DYM: variants seen among roughly 807,000 people sequenced by gnomAD.
The protein encoded by DYM is dyggve-Melchior-Clausen syndrome protein.
DYM carries 78 observed loss-of-function variants against 93.1 expected under a neutral mutation model. That is an observed-to-expected ratio of 0.84 (90% CI 0.70 to 1.01). The LOEUF is 1.01. DYM is among the 50% of genes least tolerant of loss of function. DYM has a pLI of 0.00. For missense variants in DYM, 789 were observed against 845.0 expected (o/e 0.93, Z 0.82); for synonymous variants, 321 against 319.7 (o/e 1.00, Z -0.04).
chr18:49,306,640 A>G (rs964677096), intron 8 of DYM, among the ~76,000 whole-genome samples: 2 of 152,228 alleles, frequency 1.3e-5, no homozygotes, highest in Non-Finnish European at 2.9e-5. Context: ...AAATGTGCAT[A>G]TATTTATAAG....
chr18:49,355,663 A>G (rs534685462), intron 6 of DYM, among the ~76,000 whole-genome samples: 7 of 152,166 alleles, frequency 4.6e-5, no homozygotes, highest in Non-Finnish European at 7.4e-5. Context: ...GCAGAAGGCT[A>G]TATGTGTGTG....
intron 14 of DYM, among the ~76,000 whole-genome samples, chr18:49,193,204 A>C (rs1294088598): frequency 2.0e-5 from 3 of 151,970 alleles, no homozygotes; most frequent in African/African-American, 7.2e-5. Context: ...AATAAAATTA[A>C]AAAAAATTAA....
At chr18:49,204,469 A>G (rs987132233) in intron 14 of DYM, among the ~76,000 whole-genome samples, 1 of 152,250 alleles carries the variant, frequency 6.6e-6, no homozygotes, top group African/African-American at 2.4e-5. Flanking sequence ...TGACATCAGC[A>G]AAGTATGTGA....
chr18:49,044,279 G>T (rs1259238226), intron 17 of DYM, 75 bp from the exon 18 acceptor site: 2 of 1,560,504 alleles, frequency 1.3e-6, no homozygotes, highest in East Asian at 4.5e-5. Context: ...TTTGCAGGTG[G>T]TGCTGTGGTG....
At chr18:49,343,443 G>T (rs1228902783) in intron 6 of DYM, among the ~76,000 whole-genome samples, 2 of 152,132 alleles carry the variant, frequency 1.3e-5, no homozygotes, top group African/African-American at 2.4e-5. Context: ...TTTATTATAA[G>T]GTCCACTTCA....
intron 8 of DYM, among the ~76,000 whole-genome samples, chr18:49,312,029 A>G (rs2061623890): frequency 6.6e-6 from 1 of 152,110 alleles, no homozygotes; most frequent in Non-Finnish European, 1.5e-5. Context: ...TTTCTCATAC[A>G]CTGGCCATCT....
chr18:49,157,108 G>A (rs2086549536), intron 15 of DYM, among the ~76,000 whole-genome samples: 1 of 152,032 alleles, frequency 6.6e-6, no homozygotes, highest in African/African-American at 2.4e-5. Flanking sequence ...CTGGGAAGAG[G>A]GAGTCCATCT....
intron 12 of DYM, among the ~76,000 whole-genome samples, chr18:49,257,856 C>T (rs1176954931): frequency 1.4e-5 from 2 of 148,040 alleles, no homozygotes; most frequent in Non-Finnish European, 3.0e-5. Flanking sequence ...ACAATCGTAG[C>T]TCAAAAAAAA....
At chr18:49,302,713 A>AT (rs2061014124) in intron 8 of DYM, among the ~76,000 whole-genome samples, 2 of 152,164 alleles carry the variant, frequency 1.3e-5, no homozygotes, top group African/African-American at 2.4e-5. Flanking sequence ...TCTCACTAGC[A>AT]TTTTTATTCA....
chr18:49,388,727 A>C (rs1479373885), intron 3 of DYM, among the ~76,000 whole-genome samples: 1 of 152,048 alleles, frequency 6.6e-6, no homozygotes, highest in Non-Finnish European at 1.5e-5. Context: ...GAAGTTAAAA[A>C]TTCCATTATT....
chr18:49,218,481 C>G (rs537175887), intron 13 of DYM, among the ~76,000 whole-genome samples: 1 of 152,280 alleles, frequency 6.6e-6, no homozygotes, highest in South Asian at 2.1e-4. Context: ...CACACCTATT[C>G]CAAAATTGAC....
At chr18:49,232,971 T>C (rs955145536) in intron 13 of DYM, among the ~76,000 whole-genome samples, 2 of 152,156 alleles carry the variant, frequency 1.3e-5, no homozygotes, top group Non-Finnish European at 2.9e-5. Context: ...ATAAGGTATT[T>C]AGATGTTGTA....
intron 2 of DYM, among the ~76,000 whole-genome samples, chr18:49,402,442 C>T (rs767181769): frequency 1.2e-4 from 18 of 152,070 alleles, no homozygotes; most frequent in Non-Finnish European, 2.1e-4. Context: ...ATAATGAGAA[C>T]GACAGCAATA....
At chr18:49,392,678 A>AT (rs1568367504) in intron 2 of DYM, among the ~76,000 whole-genome samples, 1 of 83,608 alleles carries the variant, frequency 1.2e-5, no homozygotes, top group Non-Finnish European at 2.2e-5. Flanking sequence ...GATGGCTTTT[A>AT]TTTAAAAAAA....
chr18:49,039,692 G>T lies in DYM; in HGVS notation c.*4363C>A, dbSNP rs1568325673. Among the ~76,000 whole-genome samples the T allele has an allele frequency of 6.7e-6, 1 of 149,546 alleles. No individual in the cohort carries two copies. Among genetic ancestry groups the T allele is most frequent in the African/African-American group, 2.5e-5 (1 of 40,342 alleles). ...TTATTTCTAATCTGCTCTTAAACCT[G>T]TTCACTGTTCTTCTCATTACAGTAC... On this transcript the variant is annotated 3_prime_UTR_variant, in exon 18 of 18. Coordinates refer to ENST00000675505, the MANE Select transcript of DYM (RefSeq NM_001353214.3).
intron 1 of DYM, among the ~76,000 whole-genome samples, chr18:49,457,433 T>C (rs1318973064): frequency 6.6e-6 from 1 of 152,244 alleles, no homozygotes; most frequent in East Asian, 1.9e-4. Flanking sequence ...ATTGCTTTTA[T>C]ACTTAAATCA....
intron 1 of DYM, chr18:49,431,963 A>T (rs1225615198): frequency 1.3e-5 from 2 of 152,222 alleles, no homozygotes; most frequent in African/African-American, 4.8e-5. Flanking sequence ...ACTCAATTCA[A>T]CTTCAACTGA....
intron 5 of DYM, among the ~76,000 whole-genome samples, chr18:49,373,639 T>A (rs926289897): frequency 4.6e-5 from 7 of 152,220 alleles, no homozygotes; most frequent in South Asian, 2.1e-4. Context: ...TGTCTGGGAA[T>A]ATAGCCTGGT....
chr18:49,389,842 T>C (rs2069021034), intron 3 of DYM, among the ~76,000 whole-genome samples: 1 of 150,204 alleles, frequency 6.7e-6, no homozygotes, highest in Non-Finnish European at 1.5e-5. Flanking sequence ...TTCAGTTTTC[T>C]TAATGTAATT....
Sources: allele counts gnomAD v4.1 joint callset (sites outside exome capture counted in the v4.1 genomes callset), GRCh38; gene constraint gnomAD v4.1.1; transcripts MANE v1.5; gene names NCBI Gene and HGNC (gene_info 2026-07-23, HGNC 2026-07-21).